Variants in CYRIA observed in about 807,000 individuals in gnomAD.
The protein encoded by CYRIA is CYFIP-related Rac1 interactor A.
CYRIA carries 15 observed loss-of-function variants against 43.9 expected under a neutral mutation model. The ratio of observed to expected loss-of-function variants is 0.34; its 90% CI spans 0.23 to 0.53. The LOEUF (loss-of-function observed/expected upper bound fraction) is 0.53. Among genes scored for constraint, CYRIA ranks in the 20% least tolerant of loss-of-function variants. The probability of loss-of-function intolerance (pLI) is 0.94; values close to 1 mark genes in which losing one functional copy is unlikely to be tolerated. For missense variants in CYRIA, 236 were observed against 394.2 expected, an observed-to-expected ratio of 0.60 and a Z score of 3.40; for synonymous variants, 117 against 136.0, an observed-to-expected ratio of 0.86 and a Z score of 0.97.
chr2:16,616,243 C>T (rs1277014282), intron 2 of CYRIA, among the ~76,000 whole-genome samples: 1 of 152,208 alleles, frequency 6.6e-6, no homozygotes, highest in East Asian at 1.9e-4. Flanking sequence ...GTGGAGGGAT[C>T]TGCTCCTGGG....
At chr2:16,634,777 A>AACTGT (rs1479146269) in intron 1 of CYRIA, among the ~76,000 whole-genome samples, 6 of 152,190 alleles carry the variant, frequency 3.9e-5, no homozygotes, top group Admixed American at 2.0e-4. Flanking sequence ...CACCAGATCC[A>AACTGT]ACTGTACAGA....
chr2:16,635,624 C>T (rs1669473326), intron 1 of CYRIA, among the ~76,000 whole-genome samples: 1 of 152,174 alleles, frequency 6.6e-6, no homozygotes, highest in Non-Finnish European at 1.5e-5. Flanking sequence ...GTCTATTCAC[C>T]TCCTCTCACC....
chr2:16,611,900 A>C (rs1285498053), intron 2 of CYRIA, among the ~76,000 whole-genome samples: 1 of 152,170 alleles, frequency 6.6e-6, no homozygotes, highest in Non-Finnish European at 1.5e-5. Flanking sequence ...ATGTTGAAGT[A>C]GTGGGACCAG....
chr2:16,563,961 G>C, intron 5 of CYRIA, 28 bp downstream of exon 5: 1 of 1,524,332 alleles, frequency 6.6e-7, no homozygotes, highest in Non-Finnish European at 9.1e-7. Flanking sequence ...CCGTATGTGG[G>C]CCATGAAAAC....
intron 2 of CYRIA, among the ~76,000 whole-genome samples, chr2:16,603,007 T>G (rs1319445674): frequency 6.6e-6 from 1 of 152,186 alleles, no homozygotes; most frequent in Non-Finnish European, 1.5e-5. Flanking sequence ...GACACCAGTC[T>G]TGTCTCCCTT....
intron 3 of CYRIA, among the ~76,000 whole-genome samples, chr2:16,575,610 C>A (rs1003359846): frequency 6.6e-6 from 1 of 152,078 alleles, no homozygotes; most frequent in Non-Finnish European, 1.5e-5. Flanking sequence ...AATCCCAGCA[C>A]TTTGGGAGGC....
intron 3 of CYRIA, among the ~76,000 whole-genome samples, chr2:16,568,887 G>C (rs1343987220): frequency 1.3e-5 from 2 of 152,126 alleles, no homozygotes; most frequent in African/African-American, 4.8e-5. Context: ...AGACAAAACA[G>C]AATTAAAACT....
chr2:16,579,363 A>G (rs1376406839), intron 3 of CYRIA, among the ~76,000 whole-genome samples: 3 of 152,096 alleles, frequency 2.0e-5, no homozygotes, highest in Admixed American at 1.3e-4. Flanking sequence ...GAACACCAGA[A>G]CAAGTAAATA....
rs1397477457 is a variant in CYRIA at position 16,551,295 on chromosome 2, T to A, written c.*1641A>T. 1 of 152,094 alleles carries A rather than the reference T, an allele frequency of 6.6e-6. No homozygotes were observed. The highest frequency in any genetic ancestry group is 2.1e-4 in the South Asian group (1 of 4,826). 9.4% of individuals were successfully genotyped at this position (152,094 alleles called of 1,614,324 possible). A position where few individuals can be genotyped will look rare whatever the true frequency, so the allele number is the denominator to read the frequency against. ...TAGCTCATTCCTGGGATGTTGCAAA[T>A]AATGCCAAACTCTGATGTACTCAGA... On this transcript the variant is annotated 3_prime_UTR_variant, in exon 12 of 12. Transcript: ENST00000381323.
At chr2:16,638,918 T>C (rs1339931933) in intron 1 of CYRIA, among the ~76,000 whole-genome samples, 1 of 152,108 alleles carries the variant, frequency 6.6e-6, no homozygotes, top group African/African-American at 2.4e-5. Flanking sequence ...GCCCTCCATA[T>C]CTCAAAAGTG....
At chr2:16,599,846 TC>T (rs1668139742) in intron 2 of CYRIA, among the ~76,000 whole-genome samples, 1 of 152,132 alleles carries the variant, frequency 6.6e-6, no homozygotes, top group Admixed American at 6.5e-5. Flanking sequence ...AACCTCTGCC[TC>T]CCGTGTTCAA....
rs767288759 is a variant in CYRIA at position 16,561,173 on chromosome 2, G to A, written c.618C>T (p.His206=). 3.4e-5 allele frequency: 55 copies of A among 1,613,598 alleles called. No homozygotes were observed. The highest frequency in any genetic ancestry group is 4.4e-5 in the Non-Finnish European group (52 of 1,179,580). The part of the protein sequence containing the change: ...MLKTLSNATM[H]FVSENKTLPI... ...CAACTTCACTTACTTCAGAGACAAA[G>A]TGCATTGTGGCATTGCTAAGGGTTT... Residue 206 remains histidine (H), a synonymous_variant, in exon 8 of 12, where the codon CAC becomes CAT. Coordinates refer to ENST00000381323, the MANE Select transcript of CYRIA (RefSeq NM_030797.4).
Position 16,627,354 on chromosome 2 carries a change from T to C in CYRIA, c.-166-3335A>G, listed in dbSNP as rs577015732. ...AGCAGCAGAGCTTAGACTGAGTCCCTCAATGCCAGAAGCACAGAGCAACAC... is the reference window on the plus strand; with the variant it reads ...AGCAGCAGAGCTTAGACTGAGTCCCCCAATGCCAGAAGCACAGAGCAACAC... On this transcript the variant is annotated intron_variant, in intron 1 of 11. Transcript: ENST00000381323. 5.0e-4 allele frequency among the ~76,000 whole-genome samples: 76 copies of C among 152,276 alleles called. 1 individual carries two copies. Among genetic ancestry groups the C allele is most frequent in the African/African-American group, 1.8e-3 (76 of 41,554 alleles).
chr2:16,656,292 ACACC>A (rs1670110825), intron 1 of CYRIA, among the ~76,000 whole-genome samples: 1 of 151,972 alleles, frequency 6.6e-6, no homozygotes, highest in Admixed American at 6.6e-5. Flanking sequence ...CCACACCCAC[ACACC>A]CACTCACAAG....
intron 1 of CYRIA, among the ~76,000 whole-genome samples, chr2:16,627,630 T>C (rs914025689): frequency 6.6e-6 from 1 of 152,220 alleles, no homozygotes; most frequent in Non-Finnish European, 1.5e-5. Flanking sequence ...TTAAGCAGTC[T>C]GGCTCAAATT....
intron 2 of CYRIA, among the ~76,000 whole-genome samples, chr2:16,615,671 A>G (rs972133901): frequency 1.3e-5 from 2 of 152,200 alleles, no homozygotes; most frequent in Admixed American, 1.3e-4. Flanking sequence ...GATTTATGAA[A>G]TTTCCAAGGT....
At chr2:16,610,897 C>CATATATATATATATATATATATAT (rs60848949) in intron 2 of CYRIA, among the ~76,000 whole-genome samples, 6 of 92,590 alleles carry the variant, frequency 6.5e-5, no homozygotes, top group Admixed American at 2.3e-4. Flanking sequence ...TTAGTCCCAA[C>CATATATATATATATATATATATAT]ATATATATAT....
At chr2:16,659,435 G>A (rs1296398310) in intron 1 of CYRIA, among the ~76,000 whole-genome samples, 1 of 152,212 alleles carries the variant, frequency 6.6e-6, no homozygotes, top group Non-Finnish European at 1.5e-5. Flanking sequence ...TGCTAAAAGT[G>A]GGTACAAAAT....
chr2:16,655,478 T>C (rs1432172550), intron 1 of CYRIA, among the ~76,000 whole-genome samples: 1 of 152,226 alleles, frequency 6.6e-6, no homozygotes, highest in African/African-American at 2.4e-5. Context: ...CCACATGGTC[T>C]TCCTGATCCT....
Sources: allele counts gnomAD v4.1 joint callset (sites outside exome capture counted in the v4.1 genomes callset), GRCh38; gene constraint gnomAD v4.1.1; transcripts MANE v1.5; gene names NCBI Gene and HGNC (gene_info 2026-07-23, HGNC 2026-07-21).